The following VEPH1 variants were observed in gnomAD, a reference collection of about 807,000 sequenced individuals.
VEPH1 encodes ventricular zone-expressed PH domain-containing protein homolog 1.
In VEPH1, 80 loss-of-function variants were observed where a neutral mutation model predicts 85.2. The ratio of observed to expected loss-of-function variants is 0.94; its 90% CI spans 0.78 to 1.13. The LOEUF is 1.13. Ranked by LOEUF, VEPH1 falls within the 50% of genes most tolerant of loss-of-function variation. The probability of loss-of-function intolerance (pLI) is 0.00; values close to 1 mark genes in which losing one functional copy is unlikely to be tolerated. For missense variants in VEPH1, 955 were observed against 980.5 expected (o/e 0.97, Z 0.35); for synonymous variants, 297 against 348.0 (o/e 0.85, Z 1.63).
chr3:157,378,280 G>A (rs1728355875), intron 7 of VEPH1, among the ~76,000 whole-genome samples: 1 of 140,212 alleles, frequency 7.1e-6, no homozygotes, highest in African/African-American at 2.6e-5. Context: ...TAACTTATGG[G>A]TCTATGAAAA....
At chr3:157,486,058 C>G (rs1053522957) in intron 2 of VEPH1, among the ~76,000 whole-genome samples, 1 of 152,048 alleles carries the variant, frequency 6.6e-6, no homozygotes, top group Admixed American at 6.6e-5. Context: ...CAAACAAATG[C>G]AAACTTATTG....
At chr3:157,476,676 C>G (rs1737504190) in intron 2 of VEPH1, among the ~76,000 whole-genome samples, 1 of 152,204 alleles carries the variant, frequency 6.6e-6, no homozygotes, top group Admixed American at 6.5e-5. Context: ...ACTGTATTCC[C>G]TGCAGGTAGA....
chr3:157,444,557 C>T (rs1224522426), intron 4 of VEPH1, among the ~76,000 whole-genome samples: 1 of 152,194 alleles, frequency 6.6e-6, no homozygotes, highest in Non-Finnish European at 1.5e-5. Context: ...TCTAGGCACA[C>T]TGGGCACATG....
At chr3:157,399,562 C>T (rs889715143) in intron 6 of VEPH1, among the ~76,000 whole-genome samples, 2 of 151,892 alleles carry the variant, frequency 1.3e-5, no homozygotes, top group African/African-American at 2.4e-5. Context: ...TATTGAAGTA[C>T]GGAAGCCAGT....
chr3:157,468,271 C>T (rs1280537312), intron 3 of VEPH1, among the ~76,000 whole-genome samples: 1 of 152,210 alleles, frequency 6.6e-6, no homozygotes, highest in Non-Finnish European at 1.5e-5. Flanking sequence ...TGCTCTTGAA[C>T]ATCTGAAGTG....
intron 9 of VEPH1, among the ~76,000 whole-genome samples, chr3:157,339,183 C>T (rs1301041457): frequency 6.6e-6 from 1 of 152,190 alleles, no homozygotes; most frequent in Non-Finnish European, 1.5e-5. Context: ...GAAAACCAAA[C>T]AAGGCATCTC....
intron 4 of VEPH1, among the ~76,000 whole-genome samples, chr3:157,438,556 GGGT>G (rs1733861818): frequency 6.6e-6 from 1 of 152,168 alleles, no homozygotes. Flanking sequence ...GGAGGTCGGA[GGGT>G]GTGCGGTTTG....
intron 12 of VEPH1, among the ~76,000 whole-genome samples, chr3:157,266,665 T>C (rs148552599): frequency 6.6e-6 from 1 of 152,310 alleles, no homozygotes; most frequent in African/African-American, 2.4e-5. Flanking sequence ...AAGCAGAGTG[T>C]GCATGATTAC....
At chr3:157,288,537 A>G (rs1717069785) in intron 11 of VEPH1, among the ~76,000 whole-genome samples, 1 of 152,160 alleles carries the variant, frequency 6.6e-6, no homozygotes, top group Non-Finnish European at 1.5e-5. Context: ...AGTCCAGTCC[A>G]GCATCATTAA....
At chr3:157,471,519 T>C (rs1736956533) in intron 2 of VEPH1, among the ~76,000 whole-genome samples, 1 of 152,186 alleles carries the variant, frequency 6.6e-6, no homozygotes, top group African/African-American at 2.4e-5. Context: ...CTCCTTATTG[T>C]ACACTTACAA....
chr3:157,280,756 A>C (rs1715998125), intron 12 of VEPH1, among the ~76,000 whole-genome samples: 1 of 152,250 alleles, frequency 6.6e-6, no homozygotes, highest in Non-Finnish European at 1.5e-5. Context: ...AGAAAGAGTT[A>C]GATTTTTAAA....
intron 10 of VEPH1, among the ~76,000 whole-genome samples, chr3:157,314,576 G>A (rs1368696242): frequency 6.6e-6 from 1 of 151,734 alleles, no homozygotes; most frequent in African/African-American, 2.4e-5. Flanking sequence ...TTTTCTCAAA[G>A]ATCTGGGAAT....
intron 2 of VEPH1, among the ~76,000 whole-genome samples, chr3:157,473,136 G>A (rs949921333): frequency 3.6e-5 from 5 of 140,826 alleles, no homozygotes; most frequent in African/African-American, 5.5e-5. Context: ...GCAGTGGTGC[G>A]ATCTCAGGTC....
intron 7 of VEPH1, among the ~76,000 whole-genome samples, chr3:157,376,852 T>C (rs1728179291): frequency 6.6e-6 from 1 of 152,240 alleles, no homozygotes; most frequent in South Asian, 2.1e-4. Flanking sequence ...TTAGATGACA[T>C]CTGTTTTGAA....
At chr3:157,470,960 ACAT>A (rs1736892988) in intron 2 of VEPH1, among the ~76,000 whole-genome samples, 1 of 152,202 alleles carries the variant, frequency 6.6e-6, no homozygotes, top group Non-Finnish European at 1.5e-5. Context: ...ATAATGGAAC[ACAT>A]CATTTCATCT....
intron 4 of VEPH1, among the ~76,000 whole-genome samples, chr3:157,438,386 G>C (rs1197429949): frequency 2.0e-5 from 3 of 152,036 alleles, no homozygotes; most frequent in Admixed American, 1.3e-4. Context: ...CAGGGCCCAG[G>C]CTAACGTTTA....
intron 3 of VEPH1, among the ~76,000 whole-genome samples, chr3:157,466,741 G>T (rs535053726): frequency 6.6e-6 from 1 of 152,302 alleles, no homozygotes; most frequent in South Asian, 2.1e-4. Flanking sequence ...TCTCCTCAGG[G>T]AGTCAAAATT....
chr3:157,380,932 T>C (rs1840668), intron 7 of VEPH1, among the ~76,000 whole-genome samples: 102,634 of 152,160 alleles, frequency 0.67, 34,929 homozygotes, highest in East Asian at 0.79. Context: ...GTTCTAATTC[T>C]TTTACCATAT....
intron 2 of VEPH1, among the ~76,000 whole-genome samples, chr3:157,488,660 C>A (rs1738902898): frequency 6.6e-6 from 1 of 151,944 alleles, no homozygotes; most frequent in Non-Finnish European, 1.5e-5. Flanking sequence ...TCAAGTCTGA[C>A]AAGTTCCAAA....
Sources: gnomAD v4.1 joint callset for allele counts (sites outside exome capture counted in the v4.1 genomes callset) on GRCh38, gnomAD v4.1.1 for gene constraint, MANE v1.5 for transcripts, NCBI Gene and HGNC (gene_info 2026-07-23, HGNC 2026-07-21) for gene names.